The following CPXM2 variants were observed in gnomAD, a reference collection of about 807,000 sequenced individuals.
The protein encoded by CPXM2 is inactive carboxypeptidase-like protein X2.
CPXM2 carries 66 observed loss-of-function variants against 86.1 expected under a neutral mutation model. The observed-to-expected ratio is 0.77, with a 90% CI of 0.63 to 0.94. The LOEUF (loss-of-function observed/expected upper bound fraction) is 0.94. Ranked by LOEUF, CPXM2 falls within the 40% of genes least tolerant of loss-of-function variation. The pLI, the probability that CPXM2 is intolerant of heterozygous loss-of-function variation, is 0.00. For synonymous variants in CPXM2, 388 were observed against 400.2 expected (o/e 0.97, Z 0.36); for missense variants, 948 against 1,026.3 (o/e 0.92, Z 1.04).
intron 3 of CPXM2, among the ~76,000 whole-genome samples, chr10:123,861,147 G>T (rs1346139605): frequency 1.3e-5 from 2 of 152,244 alleles, no homozygotes; most frequent in African/African-American, 4.8e-5. Context: ...CAGACCGCTG[G>T]GGGAGTCAGG....
chr10:123,814,648 T>C (rs1250141733), intron 4 of CPXM2, among the ~76,000 whole-genome samples: 1 of 152,182 alleles, frequency 6.6e-6, no homozygotes, highest in Non-Finnish European at 1.5e-5. Context: ...CTGCTTAATA[T>C]GATTAGACCC....
chr10:123,824,823 G>A (rs941382243), intron 4 of CPXM2, among the ~76,000 whole-genome samples: 4 of 152,182 alleles, frequency 2.6e-5, no homozygotes, highest in African/African-American at 9.7e-5. Context: ...GGTAGTTATT[G>A]TCATCATGAC....
chr10:123,770,305 A>G (rs927934549), intron 8 of CPXM2, among the ~76,000 whole-genome samples: 5 of 152,132 alleles, frequency 3.3e-5, no homozygotes, highest in Non-Finnish European at 7.4e-5. Context: ...AACAAAACAA[A>G]ACAAACAAAA....
chr10:123,783,540 T>C (rs1846983067), intron 6 of CPXM2, among the ~76,000 whole-genome samples: 1 of 152,180 alleles, frequency 6.6e-6, no homozygotes, highest in African/African-American at 2.4e-5. Flanking sequence ...TCTCTTCTGC[T>C]GGAGCCCTTG....
intron 13 of CPXM2, among the ~76,000 whole-genome samples, chr10:123,749,939 G>A (rs1178118256): frequency 1.3e-5 from 2 of 151,580 alleles, no homozygotes; most frequent in Admixed American, 1.3e-4. Context: ...CCAAGTAGCT[G>A]GGATTACAGG....
chr10:123,756,213 G>C (rs1846207092), intron 12 of CPXM2, among the ~76,000 whole-genome samples: 1 of 152,198 alleles, frequency 6.6e-6, no homozygotes, highest in Non-Finnish European at 1.5e-5. Context: ...CTAATGGATG[G>C]AGGTTAAGGT....
At chr10:123,873,129 T>A (rs896188065) in intron 2 of CPXM2, among the ~76,000 whole-genome samples, 3 of 152,202 alleles carry the variant, frequency 2.0e-5, no homozygotes, top group African/African-American at 7.2e-5. Context: ...ATTGTCATTA[T>A]TTCATATACA....
chr10:123,759,909 A>G (rs1846295232), intron 11 of CPXM2, among the ~76,000 whole-genome samples: 1 of 152,192 alleles, frequency 6.6e-6, no homozygotes, highest in African/African-American at 2.4e-5. Flanking sequence ...CTCCCCATTA[A>G]CTAGTGCCTG....
intron 2 of CPXM2, among the ~76,000 whole-genome samples, chr10:123,908,331 G>T (rs1945461082): frequency 6.6e-6 from 1 of 152,166 alleles, no homozygotes. Context: ...GCTACAGCTT[G>T]AGCAGCAGCT....
intron 4 of CPXM2, among the ~76,000 whole-genome samples, chr10:123,807,692 G>C (rs577272302): frequency 6.6e-6 from 1 of 152,306 alleles, no homozygotes; most frequent in Non-Finnish European, 1.5e-5. Context: ...GCAGGTTCGT[G>C]AATGAACATA....
chr10:123,937,394 A>AC (rs1382303072), intron 2 of CPXM2, among the ~76,000 whole-genome samples: 3 of 149,912 alleles, frequency 2.0e-5, no homozygotes, highest in Admixed American at 6.7e-5. Flanking sequence ...CAACCTCAGG[A>AC]CCCCCCACCC....
At position 123,837,898 on chromosome 10, in the gene CPXM2, G is replaced by A. The variant is rs368328906; in HGVS notation, c.653+4451C>T. 2.2e-4 allele frequency among the ~76,000 whole-genome samples: 34 copies of A among 152,212 alleles called. 1 individual carries two copies. The South Asian group carries it at 6.2e-3, about 28-fold the overall frequency. On this transcript the variant is annotated intron_variant, in intron 4 of 13. Coordinates refer to ENST00000241305, the MANE Select transcript of CPXM2 (RefSeq NM_198148.3). The stretch of plus-strand genomic sequence containing the variant: ...TGCGGTGGCTGAGCCTCGTGATTTC[G>A]CTGCTTCATCTCTCCCATTTGTCTC...
chr10:123,748,888 C>T (rs1006482192), intron 13 of CPXM2, among the ~76,000 whole-genome samples: 5 of 151,964 alleles, frequency 3.3e-5, no homozygotes, highest in Admixed American at 2.6e-4. Context: ...TGCTACCAGG[C>T]AGTATGTCCT....
In CPXM2 at chr10:123,891,442, G is replaced by A; in HGVS notation, c.218C>T (p.Pro73Leu). The part of the protein sequence containing the change: ...AGPGEEWERR[P>L]QEPRPPKRAT... ...CCTCTTGGGCGGCCTGGGCTCCTGC[G>A]GGCGCCGCTCCCACTCCTCCCCGGG... The change falls in exon 1 of 14, where the codon CCG becomes CTG. Residue 73 changes from proline to leucine, a missense_variant. Pro to Leu is a moderately conservative substitution (Grantham distance 98). Coordinates refer to ENST00000241305, the MANE Select transcript of CPXM2 (RefSeq NM_198148.3). The surrounding 1 kb of genome is among the most constrained non-coding windows in gnomAD (Gnocchi z 5.6). 3.9e-6 allele frequency: 6 copies of A among 1,554,806 alleles called. No individual in the cohort carries two copies. The highest frequency in any genetic ancestry group is 5.2e-6 in the Non-Finnish European group (6 of 1,149,120).
chr10:123,882,028 C>A (rs1465675862), intron 1 of CPXM2, among the ~76,000 whole-genome samples: 1 of 152,140 alleles, frequency 6.6e-6, no homozygotes, highest in East Asian at 1.9e-4. Context: ...GTTGAAATAC[C>A]AAAATTAGCT....
At position 123,767,110 on chromosome 10, in the gene CPXM2, C is replaced by T; in HGVS notation, c.1342G>A (p.Asp448Asn). ...AAGTTGTTGTTGATGTCAATTCCAT[C>T]GTGGGTCCAGCGTCCCAGGGACCAG... ...GGWSLGRWTH[D>N]GIDINNNFPD... Residue 448 changes from aspartate to asparagine, a missense_variant, in exon 10 of 14, where the codon GAT becomes AAT. Coordinates refer to ENST00000241305, the MANE Select transcript of CPXM2 (RefSeq NM_198148.3). The T allele has an allele frequency of 1.2e-6, 2 of 1,614,154 alleles. No homozygotes were observed. The highest frequency in any genetic ancestry group is 1.3e-5 in the African/African-American group (1 of 75,040).
At chr10:123,917,236 A>G (rs1202094590) in intron 2 of CPXM2, among the ~76,000 whole-genome samples, 1 of 152,248 alleles carries the variant, frequency 6.6e-6, no homozygotes, top group African/African-American at 2.4e-5. Context: ...CATAGAAAAG[A>G]TCCTTTATTC....
chr10:123,881,232 T>TCTTCTCTTCC (rs1945085320), intron 1 of CPXM2, among the ~76,000 whole-genome samples: 1 of 64,874 alleles, frequency 1.5e-5, no homozygotes, highest in African/African-American at 1.0e-4. Context: ...AGCACCCTTC[T>TCTTCTCTTCC]CTTCCCTTCC....
At chr10:123,809,532 A>G (rs546936256) in intron 4 of CPXM2, among the ~76,000 whole-genome samples, 3 of 152,288 alleles carry the variant, frequency 2.0e-5, no homozygotes, top group East Asian at 3.9e-4. Flanking sequence ...AAATAGATAT[A>G]AATACACTCA....
Sources: gnomAD v4.1 joint callset for allele counts (sites outside exome capture counted in the v4.1 genomes callset) on GRCh38, gnomAD v4.1.1 for gene constraint, Gnocchi (gnomAD v3.1) non-coding constraint, MANE v1.5 for transcripts, NCBI Gene and HGNC (gene_info 2026-07-23, HGNC 2026-07-21) for gene names.